The following CDH23 variants were observed in gnomAD, a reference collection of about 807,000 sequenced individuals.
CDH23 encodes cadherin-23.
CDH23 carries 189 observed loss-of-function variants against 317.1 expected under a neutral mutation model. The ratio of observed to expected loss-of-function variants is 0.60; its 90% confidence interval spans 0.53 to 0.67. CDH23 has a LOEUF of 0.67. Among genes scored for constraint, CDH23 ranks in the 30% least tolerant of loss-of-function variants. The pLI, the probability that CDH23 is intolerant of heterozygous loss-of-function variation, is 0.00. For synonymous variants in CDH23, 1,839 were observed against 1,876.8 expected, an observed-to-expected ratio of 0.98 and a Z score of 0.52; for missense variants, 4,401 against 4,592.4, an observed-to-expected ratio of 0.96 and a Z score of 1.20.
chr10:71,766,295 G>T (rs1840542652), intron 38 of CDH23, among the ~76,000 whole-genome samples: 1 of 152,210 alleles, frequency 6.6e-6, no homozygotes, highest in Admixed American at 6.5e-5. Flanking sequence ...CGGGGCCTGG[G>T]CCTGAGCATG....
chr10:71,623,987 C>T (rs1352518170), intron 11 of CDH23, among the ~76,000 whole-genome samples: 1 of 152,208 alleles, frequency 6.6e-6, no homozygotes, highest in East Asian at 1.9e-4. Context: ...CTCGTCCTCC[C>T]GCTGTGCCTC....
At chr10:71,464,115 G>A (rs1430299793) in intron 3 of CDH23, among the ~76,000 whole-genome samples, 2 of 152,182 alleles carry the variant, frequency 1.3e-5, no homozygotes, top group African/African-American at 4.8e-5. Flanking sequence ...GAATGGGAGT[G>A]GGACTGGGAT....
chr10:71,547,478 G>T (rs1856347109), intron 6 of CDH23, among the ~76,000 whole-genome samples: 3 of 152,250 alleles, frequency 2.0e-5, no homozygotes, highest in Admixed American at 1.3e-4. Context: ...GGCTTCTGTG[G>T]TGTTTATCTG....
chr10:71,496,343 T>G (rs1165297695), intron 3 of CDH23, among the ~76,000 whole-genome samples: 1 of 152,232 alleles, frequency 6.6e-6, no homozygotes. Context: ...ACATTTTTTT[T>G]TTTTTTGCTC....
rs1315229535 is a variant in CDH23, at chr10:71,427,236, AGAAAGAAAGG to A, written c.-5-12581_-5-12572del. On this transcript the variant is annotated intron_variant, in intron 1 of 69. Transcript: ENST00000224721. ...AAGAAAGAAAGAAAGAAAGAAAGAA[AGAAAGAAAGG>A]GAAAGAAAGAAAGAGAAAGAGAGAA... 3.2e-4 allele frequency among the ~76,000 whole-genome samples: 26 copies of A among 80,170 alleles called. 1 individual carries two copies. Among genetic ancestry groups the A allele is most frequent in the African/African-American group, 1.3e-3 (26 of 19,536 alleles). 52.6% of individuals were successfully genotyped at this position (80,170 alleles called of 152,430 possible).
chr10:71,800,737 T>A lies in CDH23; in HGVS notation c.7464T>A (p.Arg2488=), dbSNP rs1415433232. 1 of 1,613,792 alleles carries A rather than the reference T, an allele frequency of 6.2e-7. No individual in the cohort carries two copies. Among genetic ancestry groups the A allele is most frequent in the Non-Finnish European group, 8.5e-7 (1 of 1,179,846 alleles). Residue 2488 remains arginine, a synonymous_variant, in exon 53 of 70, where the codon CGT becomes CGA. Coordinates refer to ENST00000224721, the MANE Select transcript of CDH23 (RefSeq NM_022124.6). The part of the protein sequence containing the change: ...KDNPGDVASN[R]RENSVQVVIQ... Reference sequence around the variant, plus strand: ...ACCCTGGGGATGTAGCCAGCAACCGTCGCGAAAATTCAGTGCAGGTGAGGG... The same window carrying A: ...ACCCTGGGGATGTAGCCAGCAACCGACGCGAAAATTCAGTGCAGGTGAGGG...
intron 11 of CDH23, among the ~76,000 whole-genome samples, chr10:71,627,168 G>A (rs1304014112): frequency 6.6e-6 from 1 of 152,162 alleles, no homozygotes; most frequent in Non-Finnish European, 1.5e-5. Context: ...CTGTAGGCAG[G>A]GGTCTGTTTG....
chr10:71,696,090 G>A (rs1023900848), intron 22 of CDH23, among the ~76,000 whole-genome samples: 1 of 152,198 alleles, frequency 6.6e-6, no homozygotes, highest in South Asian at 2.1e-4. Flanking sequence ...CACAATTCAG[G>A]GTGCAGAGGG....
Position 71,706,161 on chromosome 10 carries a change from A to C in CDH23, c.2954-736A>C, listed in dbSNP as rs1376097820. Among the ~76,000 whole-genome samples, 7 of 152,214 alleles carry C rather than the reference A, an allele frequency of 4.6e-5. No individual in the cohort carries two copies. The East Asian group carries it at 1.3e-3, about 29-fold the overall frequency. On this transcript the variant is annotated intron_variant, in intron 25 of 69. Coordinates refer to ENST00000224721, the MANE Select transcript of CDH23 (RefSeq NM_022124.6). ...GATCTCTCCTGGTGATACCATTCAGAGGAACCCAAGTGGGGTGGGGATCAC... is the reference window on the plus strand; with the variant it reads ...GATCTCTCCTGGTGATACCATTCAGCGGAACCCAAGTGGGGTGGGGATCAC...
chr10:71,812,181 A>C, intron 66 of CDH23, 166 bp downstream of exon 66: 2 of 1,577,428 alleles, frequency 1.3e-6, no homozygotes. Flanking sequence ...CTCAGAAACC[A>C]CGTGGCTGAC....
rs2132546375 is a variant in CDH23 at position 71,628,112 on chromosome 10, T to C, written c.1134+10719T>C. On this transcript the variant is annotated intron_variant, in intron 11 of 69. Transcript: ENST00000224721. ...TGAACAAGGCTGCAGTAAGCACAGCTCGGCTGGGAGTTGTGCCTGTGTGTC... is the reference window on the plus strand; with the variant it reads ...TGAACAAGGCTGCAGTAAGCACAGCCCGGCTGGGAGTTGTGCCTGTGTGTC... Among the ~76,000 whole-genome samples, 3 of 152,316 alleles carry C rather than the reference T, an allele frequency of 2.0e-5. No homozygotes were observed. In the South Asian group the frequency reaches 6.2e-4, roughly 32 times the overall value.
rs570480537 is a variant in CDH23, at chr10:71,709,056, G to A, written c.3107-42G>A. ...GAGTCCCCGCTTCCCCTGGCCGGGAGCTCTGTTTCCCAGCCGGAAGCTTCC... is the reference window on the plus strand; with the variant it reads ...GAGTCCCCGCTTCCCCTGGCCGGGAACTCTGTTTCCCAGCCGGAAGCTTCC... On this transcript the variant is annotated intron_variant, in intron 26 of 69. Transcript: ENST00000224721. The A allele has an allele frequency of 3.8e-6, 6 of 1,574,856 alleles. No individual in the cohort carries two copies. In the East Asian group the frequency reaches 1.3e-4, roughly 35 times the overall value.
At chr10:71,444,411 A>G (rs527636001) in intron 2 of CDH23, among the ~76,000 whole-genome samples, 17 of 152,152 alleles carry the variant, frequency 1.1e-4, no homozygotes, top group Non-Finnish European at 2.2e-4. Context: ...CCTCTGTCTG[A>G]GGCTGTTGTG....
At chr10:71,648,861 G>T (rs1056646768) in intron 14 of CDH23, among the ~76,000 whole-genome samples, 4 of 152,122 alleles carry the variant, frequency 2.6e-5, no homozygotes, top group Non-Finnish European at 1.5e-5. Flanking sequence ...CAGCCCCAGG[G>T]TTTATGAAGC....
In CDH23 at chr10:71,812,826, C is replaced by T. The variant is rs111033536; in HGVS notation, c.9569C>T (p.Ala3190Val). 4.9e-4 allele frequency: 786 copies of T among 1,613,470 alleles called. No homozygotes were observed. The highest frequency in any genetic ancestry group is 5.9e-4 in the Non-Finnish European group (694 of 1,179,698). ...VKPDDDRYLRAAIQEYDNIAK... is the reference protein window; with the variant it reads ...VKPDDDRYLRVAIQEYDNIAK... ...CCTGATGATGACCGATACCTGCGGG[C>T]TGCCATCCAGGAGTATGACAACATT... Residue 3190 changes from alanine to valine, a missense_variant, in exon 68 of 70, where the codon GCT (alanine) becomes GTT (valine). Ala to Val is a moderately conservative substitution (Grantham distance 64). Coordinates refer to ENST00000224721, the MANE Select transcript of CDH23 (RefSeq NM_022124.6).
intron 14 of CDH23, among the ~76,000 whole-genome samples, chr10:71,650,857 G>T (rs1409751042): frequency 2.0e-5 from 3 of 152,246 alleles, no homozygotes; most frequent in Admixed American, 1.3e-4. Flanking sequence ...CAGCCCTGCA[G>T]CCTGGCCAGT....
chr10:71,811,602 C>A lies in CDH23; in HGVS notation c.9278+12C>A, dbSNP rs1188673200. On this transcript the variant is annotated intron_variant, in intron 64 of 69. Transcript: ENST00000224721. ...TACTACAGGACTGTGTGAGTGTCCC[C>A]CACCCCTGCCATCAGGGGGCCGACC... The A allele has an allele frequency of 3.7e-6, 6 of 1,613,754 alleles. No homozygotes were observed. The highest frequency in any genetic ancestry group is 5.1e-6 in the Non-Finnish European group (6 of 1,179,866).
intron 38 of CDH23, chr10:71,773,558 C>G: frequency 1.0e-6 from 1 of 967,050 alleles, no homozygotes; most frequent in Non-Finnish European, 1.4e-6. Flanking sequence ...GGCCCCAGCG[C>G]CGTGCTCCAG....
At chr10:71,410,745 G>T (rs1848312279) in intron 1 of CDH23, among the ~76,000 whole-genome samples, 1 of 152,124 alleles carries the variant, frequency 6.6e-6, no homozygotes, top group Admixed American at 6.5e-5. Context: ...TAATGCAGTG[G>T]GTTCTCTTTG....
Sources: allele counts gnomAD v4.1 joint callset (sites outside exome capture counted in the v4.1 genomes callset), GRCh38; gene constraint gnomAD v4.1.1; transcripts MANE v1.5; gene names NCBI Gene and HGNC (gene_info 2026-07-23, HGNC 2026-07-21).